The following NUTM1 variants were observed in gnomAD, a reference collection of about 807,000 sequenced individuals.
NUTM1 encodes the protein NUT midline carcinoma family member 1.
Under a neutral mutation model 88.7 loss-of-function variants are expected in NUTM1, and 39 were observed. The ratio of observed to expected loss-of-function variants is 0.44; its 90% CI spans 0.34 to 0.57. The LOEUF is 0.57. NUTM1 is among the 20% of genes least tolerant of loss of function. The pLI, the probability that NUTM1 is intolerant of heterozygous loss-of-function variation, is 0.01. For synonymous variants in NUTM1, 494 were observed against 538.0 expected (o/e 0.92, Z 1.13); for missense variants, 1,350 against 1,414.5 (o/e 0.95, Z 0.73).
Position 34,356,942 on chromosome 15 carries a change from A to G in NUTM1, c.2934A>G (p.Gln978=). The change falls in exon 8 of 8, where the codon CAA becomes CAG. Residue 978 remains glutamine (Q), a synonymous_variant. Coordinates refer to ENST00000537011, the MANE Select transcript of NUTM1 (RefSeq NM_001284292.2). The part of the protein sequence containing the change: ...LSKPKNLAPL[Q]ESQESYTTGT... The stretch of plus-strand genomic sequence containing the variant: ...AGCCTAAAAACCTTGCTCCTTTACA[A>G]GAGAGTCAGGAGTCTTACACAACTG... 6.2e-7 allele frequency: 1 copy of G among 1,613,834 alleles called. No individual in the cohort carries two copies. The highest frequency in any genetic ancestry group is 8.5e-7 in the Non-Finnish European group (1 of 1,179,970).
In NUTM1 at chr15:34,350,765, T is replaced by C; in HGVS notation, c.871T>C (p.Leu291=). 1.9e-6 allele frequency: 3 copies of C among 1,614,010 alleles called. No homozygotes were observed. The highest frequency in any genetic ancestry group is 2.5e-6 in the Non-Finnish European group (3 of 1,179,964). The change falls in exon 4 of 8, where the codon TTG becomes CTG. Residue 291 remains leucine, a synonymous_variant. Coordinates refer to ENST00000537011, the MANE Select transcript of NUTM1 (RefSeq NM_001284292.2). ...PTMTLEEGLP[L]AVQEWEHTSN... ...TATGACCCTGGAGGAGGGACTGCCA[T>C]TGGCTGTGCAGGAGTGGGAGCACAC...
intron 1 of NUTM1, 21 bp from the exon 2 acceptor site, chr15:34,345,921 C>T (rs993034125): frequency 4.3e-6 from 7 of 1,613,616 alleles, no homozygotes; most frequent in Non-Finnish European, 5.9e-6. Context: ...CCTTGGATCC[C>T]TGTGCACCTA....
chr15:34,352,500 G>A (rs1318007188), intron 4 of NUTM1, among the ~76,000 whole-genome samples: 1 of 151,972 alleles, frequency 6.6e-6, no homozygotes, highest in Non-Finnish European at 1.5e-5. Context: ...GGTGAGATAG[G>A]TACGGAAAAC....
chr15:34,355,433 C>G lies in NUTM1; in HGVS notation c.1480-55C>G, dbSNP rs1890783357. On this transcript the variant is annotated intron_variant, in intron 7 of 7. Transcript: ENST00000537011. This position sits in a 1 kb window ranked among gnomAD's most constrained non-coding sequence, Gnocchi z 4.3. ...CAAATACCGTCTTGTGCCACCCACT[C>G]AGCCACCTCTTTCACAACCACGTAT... 6 of 1,596,568 alleles carry G rather than the reference C, an allele frequency of 3.8e-6. No individual in the cohort carries two copies. The South Asian group carries it at 6.7e-5, about 18-fold the overall frequency.
In NUTM1 at chr15:34,348,426, T is replaced by A; in HGVS notation, c.558T>A (p.Leu186=). 3 of 1,614,100 alleles carry A rather than the reference T, an allele frequency of 1.9e-6. No homozygotes were observed. The highest frequency in any genetic ancestry group is 2.5e-6 in the Non-Finnish European group (3 of 1,179,968). The change falls in exon 3 of 8, where the codon CTT becomes CTA. Residue 186 remains leucine, a synonymous_variant. Transcript: ENST00000537011. ...VGVSQEGPPG[L]PPQPPPPVAQ... is the part of the protein sequence containing the mutation. ...TCAGCCAGGAGGGTCCTCCAGGCCT[T>A]CCGCCTCAGCCTCCACCACCAGTTG... is the stretch of plus-strand genomic sequence containing the variant.
At position 34,343,483 on chromosome 15, in the gene NUTM1, A is replaced by T. The variant is rs60281344; in HGVS notation, c.-214A>T. 6.4e-3 allele frequency: 7,169 copies of T among 1,123,154 alleles called. 449 individuals are homozygous for T. In the East Asian group the frequency reaches 0.15, roughly 23 times the overall value. The allele number at this position is 1,123,154 out of a possible 1,614,324, so 69.6% of individuals were successfully genotyped here. A position where few individuals can be genotyped will look rare whatever the true frequency, so the allele number is the denominator to read the frequency against. On this transcript the variant is annotated 5_prime_UTR_variant, in exon 1 of 8. An upstream open reading frame in the 5' UTR loses its in-frame stop. Transcript: ENST00000537011. ...CCAGGATTCAGAGCCCCTTTACCCT[A>T]GGGAAGAAAGAAGAGGTTTTCTTCC...
intron 4 of NUTM1, 26 bp downstream of exon 4, chr15:34,350,858 C>T (rs751794239): frequency 1.2e-6 from 2 of 1,613,180 alleles, no homozygotes; most frequent in Non-Finnish European, 1.7e-6. Context: ...CTTCATTCTC[C>T]TGAGGGAGGC....
chr15:34,350,561 G>T, intron 3 of NUTM1, 143 bp from the exon 4 acceptor site: 1 of 883,970 alleles, frequency 1.1e-6, no homozygotes, highest in Non-Finnish European at 1.7e-6. Context: ...GCGTCTGTAA[G>T]TCTAATCAGA....
At chr15:34,346,150 C>T in intron 2 of NUTM1, 115 bp downstream of exon 2, 1 of 1,043,426 alleles carries the variant, frequency 9.6e-7, no homozygotes, top group Non-Finnish European at 1.5e-6. Context: ...AGGTATCACA[C>T]TTGGGGAGGC....
In NUTM1 at chr15:34,356,743, C is replaced by A. The variant is rs201762262; in HGVS notation, c.2735C>A (p.Ala912Glu). 6.2e-7 allele frequency: 1 copy of A among 1,613,026 alleles called. No homozygotes were observed. The highest frequency in any genetic ancestry group is 8.5e-7 in the Non-Finnish European group (1 of 1,179,780). Residue 912 changes from alanine to glutamate, a missense_variant, in exon 8 of 8, where the codon GCA becomes GAA. Physicochemically the swap from Ala to Glu is moderately radical, Grantham distance 107. This residue lies in a region of NUTM1 where 730 missense variants were observed against 728.8 expected (regional missense o/e 1.00). Transcript: ENST00000537011. Reference sequence around the variant, plus strand: ...TCCTTGCCTGAAGCCAGTCAAGAGGCAGGGAGCAGAGGCAATTCCTTTTCT... The same window carrying A: ...TCCTTGCCTGAAGCCAGTCAAGAGGAAGGGAGCAGAGGCAATTCCTTTTCT... ...ASSLPEASQE[A>E]GSRGNSFSPL...
At chr15:34,344,656 C>CT in intron 1 of NUTM1, among the ~76,000 whole-genome samples, 1 of 152,150 alleles carries the variant, frequency 6.6e-6, no homozygotes, top group Non-Finnish European at 1.5e-5. Context: ...GGGAGGCAGA[C>CT]TTATTGCTAT....
chr15:34,356,841 A>G lies in NUTM1; in HGVS notation c.2833A>G (p.Ser945Gly), dbSNP rs745683367. ...TGACTGTGGCCTCCAACTAAGGGTC[A>G]GCGAGGACACCTGCCCACTGAATGT... is the stretch of plus-strand genomic sequence containing the variant. ...KDDCGLQLRV[S>G]EDTCPLNVHS... The change falls in exon 8 of 8, where the codon AGC becomes GGC. Residue 945 changes from serine (S) to glycine (G), a missense_variant. By Grantham distance (56) the Ser-to-Gly change is moderately conservative. This residue lies in a region of NUTM1 where 730 missense variants were observed against 728.8 expected (regional missense o/e 1.00). Transcript: ENST00000537011. 1 of 1,612,492 alleles carries G rather than the reference A, an allele frequency of 6.2e-7. No homozygotes were observed. The highest frequency in any genetic ancestry group is 1.7e-5 in the Admixed American group (1 of 59,724).
Position 34,343,329 on chromosome 15 carries a change from G to A in NUTM1, c.-368G>A. 1.6e-6 allele frequency: 1 copy of A among 624,510 alleles called. No individual in the cohort carries two copies. Among genetic ancestry groups the A allele is most frequent in the South Asian group, 1.9e-5 (1 of 53,620 alleles). The allele number at this position is 624,510 out of a possible 1,614,324, so 38.7% of individuals were successfully genotyped here. A position where few individuals can be genotyped will look rare whatever the true frequency, so the allele number is the denominator to read the frequency against. ...GTGGAGTGTCCCTACTGTGTGCTAGGTACACGGCGTTAGAGGGGGGTAGGG... is the reference window on the plus strand; with the variant it reads ...GTGGAGTGTCCCTACTGTGTGCTAGATACACGGCGTTAGAGGGGGGTAGGG... On this transcript the variant is annotated 5_prime_UTR_variant, in exon 1 of 8. Coordinates refer to ENST00000537011, the MANE Select transcript of NUTM1 (RefSeq NM_001284292.2).
rs778366625 is a variant in NUTM1, at chr15:34,355,806, C to A, written c.1798C>A (p.Pro600Thr). The A allele has an allele frequency of 1.2e-6, 2 of 1,614,224 alleles. No homozygotes were observed. Among genetic ancestry groups the A allele is most frequent in the East Asian group, 4.5e-5 (2 of 44,882 alleles). Residue 600 changes from proline (P) to threonine (T), a missense_variant, in exon 8 of 8, where the codon CCA becomes ACA. Pro to Thr is a conservative substitution (Grantham distance 38, BLOSUM62 -1). Coordinates refer to ENST00000537011, the MANE Select transcript of NUTM1 (RefSeq NM_001284292.2). The surrounding 1 kb of genome is among the most constrained non-coding windows in gnomAD (Gnocchi z 4.3). The part of the protein sequence containing the change: ...SWDLQPELAA[P>T]QGTPGPLGVE... ...GGACCTGCAGCCAGAACTTGCAGCT[C>A]CACAGGGAACTCCGGGACCCTTGGG...
rs759270034 is a variant in NUTM1 at position 34,355,556 on chromosome 15, C to T, written c.1548C>T (p.Gly516=). Residue 516 remains glycine (G), a synonymous_variant, in exon 8 of 8, where the codon GGC becomes GGT. Transcript: ENST00000537011. The surrounding 1 kb of genome is among the most constrained non-coding windows in gnomAD (Gnocchi z 4.3). ...EDAEAPPSFS[G]AQLDSSPSGS... Reference sequence around the variant, plus strand: ...CAGAGGCGCCTCCAAGTTTCAGTGGCGCTCAGTTGGACTCAAGTCCTTCTG... The same window carrying T: ...CAGAGGCGCCTCCAAGTTTCAGTGGTGCTCAGTTGGACTCAAGTCCTTCTG... 2.7e-5 allele frequency: 44 copies of T among 1,613,924 alleles called. No individual in the cohort carries two copies. Among genetic ancestry groups the T allele is most frequent in the Middle Eastern group, 1.6e-4 (1 of 6,082 alleles).
chr15:34,352,667 G>A (rs1315394671), intron 4 of NUTM1, among the ~76,000 whole-genome samples: 5 of 146,986 alleles, frequency 3.4e-5, no homozygotes, highest in Non-Finnish European at 7.5e-5. Flanking sequence ...AAAGCCAGGC[G>A]TGGTGGCACG....
Position 34,355,536 on chromosome 15 carries a change from G to T in NUTM1, c.1528G>T (p.Ala510Ser). The T allele has an allele frequency of 6.2e-7, 1 of 1,614,112 alleles. No homozygotes were observed. Among genetic ancestry groups the T allele is most frequent in the Non-Finnish European group, 8.5e-7 (1 of 1,179,952 alleles). ...MALEEEEDAE[A>S]PPSFSGAQLD... ...CTTGGAAGAGGAGGAAGATGCAGAGGCGCCTCCAAGTTTCAGTGGCGCTCA... is the reference window on the plus strand; with the variant it reads ...CTTGGAAGAGGAGGAAGATGCAGAGTCGCCTCCAAGTTTCAGTGGCGCTCA... The change falls in exon 8 of 8, where the codon GCG (alanine) becomes TCG (serine). Residue 510 changes from alanine to serine, a missense_variant. Coordinates refer to ENST00000537011, the MANE Select transcript of NUTM1 (RefSeq NM_001284292.2). The surrounding 1 kb of genome is among the most constrained non-coding windows in gnomAD (Gnocchi z 4.3).
rs1387410098 is a variant in NUTM1, at chr15:34,347,882, ATAAAAAT to A, written c.101-86_101-80del. The A allele has an allele frequency of 2.1e-3, 1,352 of 659,136 alleles. 15 individuals are homozygous for A. In the African/African-American group the frequency reaches 0.023, roughly 11 times the overall value. 40.8% of individuals were successfully genotyped at this position (659,136 alleles called of 1,614,324 possible). A position where few individuals can be genotyped will look rare whatever the true frequency, so the allele number is the denominator to read the frequency against. ...AATAAAAATAAAAATAAAAATAAAA[ATAAAAAT>A]AAAAAAATGGGGAATTCAGATGGCT... On this transcript the variant is annotated intron_variant, in intron 2 of 7. Transcript: ENST00000537011.
At position 34,347,995 on chromosome 15, in the gene NUTM1, A is replaced by G; in HGVS notation, c.127A>G (p.Ser43Gly). 2 of 1,612,608 alleles carry G rather than the reference A, an allele frequency of 1.2e-6. No individual in the cohort carries two copies. The highest frequency in any genetic ancestry group is 1.7e-6 in the Non-Finnish European group (2 of 1,179,034). Residue 43 changes from serine (S) to glycine (G), a missense_variant, in exon 3 of 8, where the codon AGC (serine) becomes GGC (glycine). Ser to Gly is a moderately conservative substitution (Grantham distance 56, BLOSUM62 0). This residue lies in a region of NUTM1 where 399 missense variants were observed against 397.9 expected (regional missense o/e 1.00). Coordinates refer to ENST00000537011, the MANE Select transcript of NUTM1 (RefSeq NM_001284292.2). ...GASALPGPDM[S>G]MKPSAAPSPS... ...ATCTGCATTGCCGGGACCGGATATG[A>G]GCATGAAACCTAGTGCCGCCCCGTC... is the stretch of plus-strand genomic sequence containing the variant.
Sources: gnomAD v4.1 joint callset for allele counts (sites outside exome capture counted in the v4.1 genomes callset) on GRCh38, gnomAD v4.1.1 for gene constraint, gnomAD v4.1.1 regional missense constraint, Gnocchi (gnomAD v3.1) non-coding constraint, MANE v1.5 for transcripts, NCBI Gene and HGNC (gene_info 2026-07-23, HGNC 2026-07-21) for gene names.